Variants in DZIP1 observed in about 807,000 individuals in gnomAD.
The protein encoded by DZIP1 is cilium assembly protein DZIP1.
DZIP1 carries 97 observed loss-of-function variants against 107.6 expected under a neutral mutation model. That is an observed-to-expected ratio of 0.90 (90% CI 0.77 to 1.07). The LOEUF is 1.07. Ranked by LOEUF, DZIP1 falls within the 50% of genes least tolerant of loss-of-function variation. DZIP1 has a pLI of 0.00. For missense variants in DZIP1, 1,035 were observed against 1,063.6 expected (o/e 0.97, Z 0.37); for synonymous variants, 390 against 386.4 (o/e 1.01, Z -0.11).
chr13:95,633,335 A>C lies in DZIP1; in HGVS notation c.598-14T>G, dbSNP rs757966545. The C allele has an allele frequency of 1.2e-6, 2 of 1,608,198 alleles. No individual in the cohort carries two copies. The highest frequency in any genetic ancestry group is 4.5e-5 in the East Asian group (2 of 44,842). On this transcript the variant is annotated splice_polypyrimidine_tract_variant and intron_variant, in intron 5 of 22. Coordinates refer to ENST00000376829, the MANE Select transcript of DZIP1 (RefSeq NM_198968.4). ...ACAAAAATGGCACTGAAAAGGAGAG[A>C]GCAACAAATCCAAGTGTCTGTAACG... is the stretch of plus-strand genomic sequence containing the variant.
intron 5 of DZIP1, among the ~76,000 whole-genome samples, chr13:95,634,215 G>T (rs1877534635): frequency 6.6e-6 from 1 of 152,124 alleles, no homozygotes; most frequent in Non-Finnish European, 1.5e-5. Flanking sequence ...CCCATGGCTG[G>T]CACCTTCTCC....
In DZIP1 at chr13:95,612,022, T is replaced by C. The variant is rs368038138; in HGVS notation, c.1314+15A>G. ...TGCTTAAAGAAGCACGGTGCCACAC[T>C]GCCGCCAGACATACCTGCTGTCTCT... On this transcript the variant is annotated intron_variant, in intron 11 of 22. Coordinates refer to ENST00000376829, the MANE Select transcript of DZIP1 (RefSeq NM_198968.4). The C allele has an allele frequency of 2.3e-4, 373 of 1,611,674 alleles. No individual in the cohort carries two copies. The highest frequency in any genetic ancestry group is 2.7e-4 in the Non-Finnish European group (320 of 1,179,562).
In DZIP1 at chr13:95,589,873, G is replaced by A; in HGVS notation, c.1903C>T (p.Gln635Ter). The A allele has an allele frequency of 6.2e-7, 1 of 1,614,144 alleles. No individual in the cohort carries two copies. Residue 635 changes from glutamine to a stop codon, truncating the protein, a stop_gained, in exon 18 of 23, where the codon CAA becomes TAA. Transcript: ENST00000376829. LOFTEE classifies it high-confidence loss of function. The stretch of plus-strand genomic sequence containing the variant: ...AGTTGTCTGTTTTTGGAAGGAAGTT[G>A]TATCATTTTGGGTACTTCTCCAGTT... ...LSTGEVPKMI[Q>*]LPSKNRQLIR...
At chr13:95,634,259 C>A (rs750751085) in intron 5 of DZIP1, among the ~76,000 whole-genome samples, 1 of 152,238 alleles carries the variant, frequency 6.6e-6, no homozygotes, top group South Asian at 2.1e-4. Context: ...AAGCATCTTC[C>A]ACGCTGAGGA....
chr13:95,603,302 G>A (rs1350611769), intron 14 of DZIP1, among the ~76,000 whole-genome samples: 1 of 61,398 alleles, frequency 1.6e-5, no homozygotes, highest in Non-Finnish European at 2.6e-5. Flanking sequence ...GAAATGCCCA[G>A]TCTCAAAAAA....
At chr13:95,600,591 G>GATAC in intron 14 of DZIP1, among the ~76,000 whole-genome samples, 1 of 29,244 alleles carries the variant, frequency 3.4e-5, no homozygotes, top group African/African-American at 1.0e-4. Context: ...ATAGATAGAT[G>GATAC]ATAGATAGAT....
At chr13:95,587,440 C>T in intron 20 of DZIP1, 99 bp downstream of exon 20, 1 of 1,498,584 alleles carries the variant, frequency 6.7e-7, no homozygotes, top group South Asian at 1.3e-5. Context: ...CTGTTCCTTG[C>T]ACACCCTCCC....
intron 7 of DZIP1, among the ~76,000 whole-genome samples, chr13:95,626,396 A>G (rs561553039): frequency 2.2e-4 from 33 of 152,328 alleles, no homozygotes; most frequent in African/African-American, 7.2e-4. Context: ...GAGAAATTAA[A>G]AGGATTGTAA....
intron 22 of DZIP1, among the ~76,000 whole-genome samples, chr13:95,584,077 A>C (rs1244129240): frequency 6.6e-6 from 1 of 151,942 alleles, no homozygotes; most frequent in Non-Finnish European, 1.5e-5. Context: ...CCCAGGTTCA[A>C]GCAATTCTCC....
intron 8 of DZIP1, among the ~76,000 whole-genome samples, chr13:95,623,720 C>A (rs945187753): frequency 2.6e-5 from 4 of 152,106 alleles, no homozygotes; most frequent in African/African-American, 9.7e-5. Flanking sequence ...GTGGGAGGAT[C>A]ACTTGAGGCC....
At chr13:95,625,216 AATAT>A (rs1876390452) in intron 7 of DZIP1, among the ~76,000 whole-genome samples, 1 of 152,230 alleles carries the variant, frequency 6.6e-6, no homozygotes. Flanking sequence ...GTCATGCCAT[AATAT>A]ATAAAATGTA....
At chr13:95,621,691 T>TGTGTGC (rs1851339600) in intron 9 of DZIP1, among the ~76,000 whole-genome samples, 1 of 150,702 alleles carries the variant, frequency 6.6e-6, no homozygotes, top group Non-Finnish European at 1.5e-5. Context: ...TGTGTGTGTG[T>TGTGTGC]GTGTGTGTGT....
chr13:95,595,367 T>C (rs113402167), intron 15 of DZIP1, among the ~76,000 whole-genome samples: 3,666 of 98,750 alleles, frequency 0.037, 147 homozygotes, highest in African/African-American at 0.14. Flanking sequence ...TTTGTGTACA[T>C]TAAATAGAAG....
At chr13:95,600,625 T>TAGAC (rs1453410238) in intron 14 of DZIP1, among the ~76,000 whole-genome samples, 228 of 125,280 alleles carry the variant, frequency 1.8e-3, no homozygotes, top group African/African-American at 6.4e-3. Flanking sequence ...GATAGATAGA[T>TAGAC]AGATAGACAG....
Position 95,633,220 on chromosome 13 carries a change from A to T in DZIP1, c.685+14T>A, listed in dbSNP as rs1471133746. On this transcript the variant is annotated intron_variant, in intron 6 of 22. Transcript: ENST00000376829. ...CAGGAAGAAAAGAGCTTTCAAACAG[A>T]ACTCATTACTCACCAAAATGAGAAT... 1 of 1,610,118 alleles carries T rather than the reference A, an allele frequency of 6.2e-7. No homozygotes were observed. Among genetic ancestry groups the T allele is most frequent in the Admixed American group, 1.7e-5 (1 of 59,968 alleles).
At chr13:95,583,603 G>C (rs546660248) in intron 22 of DZIP1, among the ~76,000 whole-genome samples, 3 of 152,190 alleles carry the variant, frequency 2.0e-5, no homozygotes, top group Non-Finnish European at 4.4e-5. Context: ...CTAGATTGGG[G>C]GATATGAAAA....
At chr13:95,625,003 A>G in intron 7 of DZIP1, 74 bp from the exon 8 acceptor site, 2 of 1,315,808 alleles carry the variant, frequency 1.5e-6, no homozygotes, top group Middle Eastern at 2.5e-4. Context: ...ATAAAAGTTC[A>G]TAGCATCACT....
At chr13:95,609,577 C>G (rs537526144) in intron 12 of DZIP1, 64 bp from the exon 13 acceptor site, 4 of 1,248,256 alleles carry the variant, frequency 3.2e-6, no homozygotes, top group Non-Finnish European at 4.4e-6. Context: ...TTTTTGTAGC[C>G]CTTATACTAA....
At chr13:95,611,408 T>C (rs1594692459) in intron 12 of DZIP1, 37 bp downstream of exon 12, 2 of 1,584,160 alleles carry the variant, frequency 1.3e-6, no homozygotes, top group East Asian at 4.5e-5. Context: ...TTGGGGAGGT[T>C]CCCCTTGCCG....
Sources: gnomAD v4.1 joint callset for allele counts (sites outside exome capture counted in the v4.1 genomes callset) on GRCh38, gnomAD v4.1.1 for gene constraint, MANE v1.5 for transcripts, NCBI Gene and HGNC (gene_info 2026-07-23, HGNC 2026-07-21) for gene names.